The following MYRIP variants were observed in gnomAD, a reference collection of about 807,000 sequenced individuals.
The protein encoded by MYRIP is myosin VIIA and Rab interacting protein, also known as rab effector MyRIP.
Under a neutral mutation model 98.0 loss-of-function variants are expected in MYRIP, and 49 were observed. The observed-to-expected ratio is 0.50, with a 90% CI of 0.40 to 0.63. The LOEUF is 0.63. Ranked by LOEUF, MYRIP falls within the 30% of genes least tolerant of loss-of-function variation. The pLI is 0.00. For missense variants in MYRIP, 1,004 were observed against 1,058.2 expected, an observed-to-expected ratio of 0.95 and a Z score of 0.71; for synonymous variants, 404 against 409.5, an observed-to-expected ratio of 0.99 and a Z score of 0.16.
intron 2 of MYRIP, among the ~76,000 whole-genome samples, chr3:39,953,379 G>C (rs559987965): frequency 1.3e-5 from 2 of 152,072 alleles, no homozygotes; most frequent in Non-Finnish European, 2.9e-5. Flanking sequence ...TTCACTTTTG[G>C]AGAGAACTGG....
chr3:39,832,716 C>T (rs1479291070), intron 1 of MYRIP, among the ~76,000 whole-genome samples: 2 of 152,166 alleles, frequency 1.3e-5, no homozygotes, highest in African/African-American at 2.4e-5. Context: ...TGAACACACA[C>T]AAGTAAGATG....
chr3:39,874,260 T>G (rs1477361492), intron 1 of MYRIP, among the ~76,000 whole-genome samples: 1 of 152,160 alleles, frequency 6.6e-6, no homozygotes, highest in Non-Finnish European at 1.5e-5. Context: ...TGGGGTTTTC[T>G]AGATATACAA....
Position 40,009,237 on chromosome 3 carries a change from C to CTTT in MYRIP, c.111-34798_111-34796dup, listed in dbSNP as rs553315704. 3.4e-3 allele frequency among the ~76,000 whole-genome samples: 477 copies of CTTT among 139,216 alleles called. 4 individuals are homozygous for CTTT. Among genetic ancestry groups the CTTT allele is most frequent in the African/African-American group, 0.012 (430 of 37,332 alleles). The allele number at this position is 139,216 out of a possible 152,430, so 91.3% of individuals were successfully genotyped here. ...GTGGAGGGATGACAAACTGCTACTT[C>CTTT]TTTTTTTTTTTTTTTTTGAGACGGA... On this transcript the variant is annotated intron_variant, in intron 2 of 16. Transcript: ENST00000302541.
intron 4 of MYRIP, among the ~76,000 whole-genome samples, chr3:40,159,507 C>T (rs1296536638): frequency 2.6e-5 from 4 of 151,514 alleles, no homozygotes; most frequent in African/African-American, 7.3e-5. Context: ...ATCTTTGTGG[C>T]ATTCTCTGTA....
At chr3:39,851,022 G>A (rs1429073231) in intron 1 of MYRIP, among the ~76,000 whole-genome samples, 5 of 152,124 alleles carry the variant, frequency 3.3e-5, no homozygotes, top group African/African-American at 1.2e-4. Flanking sequence ...CAGACAGTCA[G>A]GAAACAAAAG....
intron 2 of MYRIP, among the ~76,000 whole-genome samples, chr3:39,930,059 CTT>C (rs1377269417): frequency 6.6e-6 from 1 of 151,950 alleles, no homozygotes; most frequent in East Asian, 1.9e-4. Flanking sequence ...TTTCACCTCT[CTT>C]GGGTATATAC....
intron 2 of MYRIP, among the ~76,000 whole-genome samples, chr3:39,953,256 AG>A (rs1945072018): frequency 6.6e-6 from 1 of 152,188 alleles, no homozygotes; most frequent in South Asian, 2.1e-4. Flanking sequence ...ACTTCCACTG[AG>A]GTTCAATAGT....
chr3:40,047,568 C>G (rs1419799150), intron 3 of MYRIP, among the ~76,000 whole-genome samples: 1 of 152,178 alleles, frequency 6.6e-6, no homozygotes, highest in East Asian at 1.9e-4. Flanking sequence ...AATGTTGCTG[C>G]TTTAATCTTG....
intron 3 of MYRIP, among the ~76,000 whole-genome samples, chr3:40,124,713 G>A (rs756481505): frequency 6.6e-6 from 1 of 152,190 alleles, no homozygotes; most frequent in Non-Finnish European, 1.5e-5. Context: ...GAAGGAAATG[G>A]ATTGGATCCA....
chr3:39,822,540 A>G (rs1396780674), intron 1 of MYRIP, among the ~76,000 whole-genome samples: 1 of 152,156 alleles, frequency 6.6e-6, no homozygotes, highest in African/African-American at 2.4e-5. Context: ...TCTTCTTCCA[A>G]TATGGCCCAA....
At chr3:39,966,039 T>TG (rs1453556674) in intron 2 of MYRIP, among the ~76,000 whole-genome samples, 1 of 152,148 alleles carries the variant, frequency 6.6e-6, no homozygotes, top group Non-Finnish European at 1.5e-5. Flanking sequence ...TGTGGGTGGC[T>TG]GCCCCTGAGC....
intron 2 of MYRIP, among the ~76,000 whole-genome samples, chr3:40,032,809 A>C (rs1947290974): frequency 6.6e-6 from 1 of 152,176 alleles, no homozygotes; most frequent in African/African-American, 2.4e-5. Flanking sequence ...AAATTGATGC[A>C]AAAATCCTCA....
rs1347166618 is a variant in MYRIP at position 40,204,168 on chromosome 3, ATT to A, written c.1666-5684_1666-5683del. ...ATAATATATAAATATATAATATAAT[ATT>A]TATATATTATATAATATATAAATAT... is the stretch of plus-strand genomic sequence containing the variant. On this transcript the variant is annotated intron_variant, in intron 10 of 16. Coordinates refer to ENST00000302541, the MANE Select transcript of MYRIP (RefSeq NM_015460.4). Among the ~76,000 whole-genome samples the A allele has an allele frequency of 1.2e-3, 2 of 1,700 alleles. 1 individual carries two copies. Among genetic ancestry groups the A allele is most frequent in the African/African-American group, 1.6e-3 (2 of 1,230 alleles). The allele number at this position is 1,700 out of a possible 152,430, so 1.1% of individuals were successfully genotyped here. A position where few individuals can be genotyped will look rare whatever the true frequency, so the allele number is the denominator to read the frequency against.
At chr3:40,235,327 T>C (rs1276435411) in intron 12 of MYRIP, among the ~76,000 whole-genome samples, 1 of 152,114 alleles carries the variant, frequency 6.6e-6, no homozygotes, top group Non-Finnish European at 1.5e-5. Flanking sequence ...ATTTCTTCTT[T>C]GGAAATAAAA....
chr3:40,163,883 T>G (rs1044590390), intron 5 of MYRIP, among the ~76,000 whole-genome samples: 7 of 152,194 alleles, frequency 4.6e-5, no homozygotes, highest in African/African-American at 1.7e-4. Context: ...TGACTTCTCA[T>G]GAAAATTGTG....
chr3:39,899,919 C>CA (rs1465246203), intron 1 of MYRIP, among the ~76,000 whole-genome samples: 1 of 152,194 alleles, frequency 6.6e-6, no homozygotes, highest in African/African-American at 2.4e-5. Context: ...CTCCCAGGTT[C>CA]AAACGATTCT....
chr3:39,885,127 C>A (rs574012746), intron 1 of MYRIP, among the ~76,000 whole-genome samples: 2 of 151,782 alleles, frequency 1.3e-5, no homozygotes, highest in Non-Finnish European at 2.9e-5. Flanking sequence ...CTGCACTTAT[C>A]TTTTTATATA....
intron 2 of MYRIP, among the ~76,000 whole-genome samples, chr3:40,005,078 G>T (rs926132428): frequency 6.6e-6 from 1 of 152,146 alleles, no homozygotes; most frequent in Non-Finnish European, 1.5e-5. Context: ...GCCTCCAGCT[G>T]CATCCAGGTT....
intron 16 of MYRIP, among the ~76,000 whole-genome samples, chr3:40,252,721 C>T (rs1360882855): frequency 6.6e-6 from 1 of 152,154 alleles, no homozygotes; most frequent in Admixed American, 6.5e-5. Flanking sequence ...GTAGCGGTCA[C>T]AAGCCTACCA....
Sources: gnomAD v4.1 joint callset for allele counts (sites outside exome capture counted in the v4.1 genomes callset) on GRCh38, gnomAD v4.1.1 for gene constraint, MANE v1.5 for transcripts, NCBI Gene and HGNC (gene_info 2026-07-23, HGNC 2026-07-21) for gene names.